The following SLC2A11 variants were observed in gnomAD, a reference collection of about 807,000 sequenced individuals.
The protein encoded by SLC2A11 is solute carrier family 2 member 11.
In SLC2A11, 43 loss-of-function variants were observed where a neutral mutation model predicts 52.1. That is an observed-to-expected ratio of 0.82 (90% CI 0.65 to 1.06). The LOEUF is 1.06. SLC2A11 is among the 50% of genes least tolerant of loss of function. The pLI, the probability that SLC2A11 is intolerant of heterozygous loss-of-function variation, is 0.00. For missense variants in SLC2A11, 582 were observed against 654.2 expected, an observed-to-expected ratio of 0.89 and a Z score of 1.20; for synonymous variants, 261 against 277.6, an observed-to-expected ratio of 0.94 and a Z score of 0.59.
At chr22:23,868,695 C>G in intron 3 of SLC2A11, 54 bp downstream of exon 3, 9 of 1,595,464 alleles carry the variant, frequency 5.6e-6, no homozygotes, top group Non-Finnish European at 7.7e-6. Context: ...GCGCTGCAGC[C>G]TGCAGGCTGA....
At chr22:23,869,973 G>A (rs950739352) in intron 3 of SLC2A11, 3 of 717,356 alleles carry the variant, frequency 4.2e-6, no homozygotes, top group Admixed American at 2.0e-5. Flanking sequence ...CATCAATGAA[G>A]GTGGAGTTCT....
chr22:23,868,759 C>A, intron 3 of SLC2A11, 118 bp downstream of exon 3: 1 of 1,224,476 alleles, frequency 8.2e-7, no homozygotes, highest in Non-Finnish European at 1.1e-6. Flanking sequence ...ATCAGCTCCT[C>A]ATCCAGCCTC....
chr22:23,883,130 C>T (rs1230326281), intron 8 of SLC2A11: 3 of 491,600 alleles, frequency 6.1e-6, no homozygotes, highest in Admixed American at 6.0e-5. Context: ...GGCGTGGTGG[C>T]GGGCGCCTGT....
rs549164092 is a variant in SLC2A11, at chr22:23,880,479, C to T, written c.695-1980C>T. 5.3e-5 allele frequency: 8 copies of T among 152,234 alleles called. No individual in the cohort carries two copies. The South Asian group carries it at 1.7e-3, about 32-fold the overall frequency. 9.4% of individuals were successfully genotyped at this position (152,234 alleles called of 1,614,324 possible). On this transcript the variant is annotated intron_variant, in intron 6 of 11. Transcript: ENST00000316185. Reference sequence around the variant, plus strand: ...TTTGAGACAGGCTTCTCTCCCAAGGCCTAATTGCTGGTATTTAGGGTATGT... The same window carrying T: ...TTTGAGACAGGCTTCTCTCCCAAGGTCTAATTGCTGGTATTTAGGGTATGT...
At chr22:23,878,679 AC>A (rs1568994808) in intron 6 of SLC2A11, among the ~76,000 whole-genome samples, 1 of 152,164 alleles carries the variant, frequency 6.6e-6, no homozygotes, top group Non-Finnish European at 1.5e-5. Flanking sequence ...AGGGGTGAAG[AC>A]CGGGGCCCAT....
chr22:23,875,091 T>C (rs2032573604), intron 3 of SLC2A11, 26 bp from the exon 4 acceptor site: 2 of 1,537,010 alleles, frequency 1.3e-6, no homozygotes, highest in East Asian at 4.7e-5. Flanking sequence ...ACAGCCTCTC[T>C]TTCTGTGTGT....
chr22:23,878,607 A>C (rs1038629035), intron 6 of SLC2A11, among the ~76,000 whole-genome samples: 3 of 152,212 alleles, frequency 2.0e-5, no homozygotes, highest in African/African-American at 7.2e-5. Flanking sequence ...CCAAATCCCA[A>C]GTCAAGGGAT....
At chr22:23,872,691 A>G (rs901652560) in intron 3 of SLC2A11, 1 of 152,234 alleles carries the variant, frequency 6.6e-6, no homozygotes, top group Non-Finnish European at 1.5e-5. Context: ...TGCCTCCAAA[A>G]TGGAAAGAAG....
intron 8 of SLC2A11, chr22:23,883,447 G>C (rs2146146874): frequency 2.5e-6 from 1 of 396,458 alleles, no homozygotes; most frequent in East Asian, 4.9e-5. Flanking sequence ...CTCCAGCGTG[G>C]GCTGGACCAG....
At chr22:23,875,297 A>G in intron 4 of SLC2A11, 56 bp downstream of exon 4, 1 of 1,331,108 alleles carries the variant, frequency 7.5e-7, no homozygotes, top group Non-Finnish European at 9.7e-7. Flanking sequence ...TAATAAATTC[A>G]TTAATTCCTT....
chr22:23,883,901 G>T (rs568514257), intron 9 of SLC2A11, 28 bp downstream of exon 9: 3 of 1,609,060 alleles, frequency 1.9e-6, no homozygotes, highest in South Asian at 1.1e-5. Flanking sequence ...GGGCTGGGGG[G>T]TCCAGGCCGG....
rs1387913803 is a variant in SLC2A11 at position 23,885,190 on chromosome 22, C to T, written c.*341C>T. On this transcript the variant is annotated 3_prime_UTR_variant, in exon 12 of 12. Coordinates refer to ENST00000316185, the MANE Select transcript of SLC2A11 (RefSeq NM_001024939.4). Reference sequence around the variant, plus strand: ...AACATAGTGAGACCCCCTATCTCTACAAAAAATTTTAAACATTAGCTGGGC... The same window carrying T: ...AACATAGTGAGACCCCCTATCTCTATAAAAAATTTTAAACATTAGCTGGGC... 2.3e-6 allele frequency: 1 copy of T among 436,872 alleles called. No homozygotes were observed. The highest frequency in any genetic ancestry group is 4.0e-6 in the Non-Finnish European group (1 of 249,434). 27.1% of individuals were successfully genotyped at this position (436,872 alleles called of 1,614,324 possible).
At position 23,884,855 on chromosome 22, in the gene SLC2A11, A is replaced by G; in HGVS notation, c.*6A>G. 1 of 1,613,752 alleles carries G rather than the reference A, an allele frequency of 6.2e-7. No homozygotes were observed. Among genetic ancestry groups the G allele is most frequent in the Non-Finnish European group, 8.5e-7 (1 of 1,179,758 alleles). ...TCCAGTCAACAGAACTCTAGTCCCA[A>G]AGGGGTGGCCAGAGCCAAAGCCAGC... On this transcript the variant is annotated 3_prime_UTR_variant, in exon 12 of 12. Coordinates refer to ENST00000316185, the MANE Select transcript of SLC2A11 (RefSeq NM_001024939.4). The surrounding 1 kb of genome is among the most constrained non-coding windows in gnomAD (Gnocchi z 4.3).
At chr22:23,867,649 G>A (rs1226432753) in intron 2 of SLC2A11, 1 of 469,966 alleles carries the variant, frequency 2.1e-6, no homozygotes, top group Non-Finnish European at 4.4e-6. Flanking sequence ...AGATTAGAGG[G>A]TCCGAATGTT....
rs576534762 is a variant in SLC2A11 at position 23,883,799 on chromosome 22, C to T, written c.1021C>T (p.Arg341Cys). ...TGTGGTAATCGAGAGGGTGGGTCGG[C>T]GCGTGCTGCTCATCGGTGGGTACAG... ...SCVVIERVGRRVLLIGGYSLM... is the reference protein window; with the variant it reads ...SCVVIERVGRCVLLIGGYSLM... The change falls in exon 9 of 12, where the codon CGC becomes TGC. Residue 341 changes from arginine to cysteine, a missense_variant. Coordinates refer to ENST00000316185, the MANE Select transcript of SLC2A11 (RefSeq NM_001024939.4). 1.1e-5 allele frequency: 17 copies of T among 1,553,602 alleles called. No individual in the cohort carries two copies. In the Admixed American group the frequency reaches 1.3e-4, roughly 12 times the overall value.
upstream of SLC2A11, chr22:23,857,585 C>A (rs893692619): frequency 4.1e-6 from 6 of 1,474,942 alleles, no homozygotes; most frequent in South Asian, 4.7e-5. Context: ...AAACCCCCCC[C>A]CCGCGGCGGC....
At chr22:23,857,079 GGGGGGGGTGTAGGT>G, upstream of SLC2A11, 2 of 1,248,948 alleles carry the variant, frequency 1.6e-6, no homozygotes, top group Non-Finnish European at 2.2e-6. Flanking sequence ...TGTGTGGGGG[GGGGGGGGTGTAGGT>G]GGGGCGTGCA....
Position 23,882,960 on chromosome 22 carries a change from G to A in SLC2A11, c.993+91G>A, listed in dbSNP as rs1243311377. ...AAACCAGTTTACACTCCAGCTTATG[G>A]TGTTAAAATGCAGTGAGGGGCCAGG... On this transcript the variant is annotated intron_variant, in intron 8 of 11. Transcript: ENST00000316185. 4 of 1,219,042 alleles carry A rather than the reference G, an allele frequency of 3.3e-6. No homozygotes were observed. The Admixed American group carries it at 5.9e-5, about 18-fold the overall frequency. 75.5% of individuals were successfully genotyped at this position (1,219,042 alleles called of 1,614,324 possible).
At position 23,874,981 on chromosome 22, in the gene SLC2A11, G is replaced by A. The variant is rs190251663; in HGVS notation, c.291-136G>A. 3.1e-5 allele frequency: 31 copies of A among 994,672 alleles called. No individual in the cohort carries two copies. In the Admixed American group the frequency reaches 8.5e-4, roughly 27 times the overall value. 61.6% of individuals were successfully genotyped at this position (994,672 alleles called of 1,614,324 possible). A position where few individuals can be genotyped will look rare whatever the true frequency, so the allele number is the denominator to read the frequency against. ...GACAGCAAGGATACCAGGACTCAAA[G>A]TAGTTAATGGCATACTACATACATT... On this transcript the variant is annotated intron_variant, in intron 3 of 11. Coordinates refer to ENST00000316185, the MANE Select transcript of SLC2A11 (RefSeq NM_001024939.4).
Sources: gnomAD v4.1 joint callset for allele counts (sites outside exome capture counted in the v4.1 genomes callset) on GRCh38, gnomAD v4.1.1 for gene constraint, Gnocchi (gnomAD v3.1) non-coding constraint, MANE v1.5 for transcripts, NCBI Gene and HGNC (gene_info 2026-07-23, HGNC 2026-07-21) for gene names.